Variants in LIMS2 observed in about 807,000 individuals in gnomAD.
The protein encoded by LIMS2 is LIM and senescent cell antigen-like-containing domain protein 2.
Under a neutral mutation model 45.3 loss-of-function variants are expected in LIMS2, and 30 were observed. That is an observed-to-expected ratio of 0.66 (90% CI 0.50 to 0.90). LIMS2 has a LOEUF of 0.90. LIMS2 is among the 40% of genes least tolerant of loss of function. The pLI, the probability that LIMS2 is intolerant of heterozygous loss-of-function variation, is 0.00. For missense variants in LIMS2, 485 were observed against 468.7 expected, an observed-to-expected ratio of 1.03 and a Z score of -0.32; for synonymous variants, 173 against 188.0, an observed-to-expected ratio of 0.92 and a Z score of 0.65.
chr2:127,654,719 G>T, intron 3 of LIMS2, 111 bp downstream of exon 3: 1 of 1,461,296 alleles, frequency 6.8e-7, no homozygotes, highest in South Asian at 1.2e-5. Flanking sequence ...AGGCAAGGTG[G>T]GGAGTTAGGA....
intron 2 of LIMS2, among the ~76,000 whole-genome samples, chr2:127,656,697 G>C (rs1684279228): frequency 6.6e-6 from 1 of 152,190 alleles, no homozygotes; most frequent in Admixed American, 6.5e-5. Flanking sequence ...TTACAGGCGT[G>C]AGCCGCCGCG....
rs1350555455 is a variant in LIMS2, at chr2:127,672,359, T to C, written c.11+2655A>G. On this transcript the variant is annotated intron_variant, in intron 1 of 9. Transcript: ENST00000355119. The surrounding 1 kb of genome is among the most constrained non-coding windows in gnomAD (Gnocchi z 4.9). ...TCTCTTCCCACGGCGTGCCACCCCA[T>C]GCTCTGGGCTGCCTTCACTCCCTGC... Among the ~76,000 whole-genome samples the C allele has an allele frequency of 6.6e-6, 1 of 152,140 alleles. No homozygotes were observed. The highest frequency in any genetic ancestry group is 1.5e-5 in the Non-Finnish European group (1 of 68,014).
At chr2:127,652,957 G>A (rs1683952850) in intron 4 of LIMS2, among the ~76,000 whole-genome samples, 2 of 152,248 alleles carry the variant, frequency 1.3e-5, no homozygotes, top group African/African-American at 4.8e-5. Flanking sequence ...CAGTGGCCCT[G>A]TGCAAACCTT....
chr2:127,640,350 C>T (rs892085205), intron 7 of LIMS2, 32 bp from the exon 8 acceptor site: 1 of 1,608,572 alleles, frequency 6.2e-7, no homozygotes. Flanking sequence ...AGAGTAGCTG[C>T]AGGCAGTCAC....
intron 1 of LIMS2, among the ~76,000 whole-genome samples, chr2:127,661,030 T>G (rs912591719): frequency 6.6e-6 from 1 of 152,144 alleles, no homozygotes; most frequent in Non-Finnish European, 1.5e-5. Context: ...GAGGGAACAT[T>G]CTGCTCCAAG....
At chr2:127,640,189 G>A (rs893495875) in intron 8 of LIMS2, 44 bp from the exon 9 acceptor site, 14 of 1,611,970 alleles carry the variant, frequency 8.7e-6, no homozygotes, top group African/African-American at 2.7e-5. Context: ...CTAGGCTGCC[G>A]CAGGCCCGGC....
chr2:127,640,410 CCT>C, intron 7 of LIMS2, 92 bp from the exon 8 acceptor site: 2 of 1,369,496 alleles, frequency 1.5e-6, no homozygotes, highest in Non-Finnish European at 2.0e-6. Flanking sequence ...CAACACGGCC[CCT>C]CTCAGGCATC....
chr2:127,679,509 G>A (rs1327446993), upstream of LIMS2, among the ~76,000 whole-genome samples: 1 of 152,090 alleles, frequency 6.6e-6, no homozygotes, highest in East Asian at 1.9e-4. This position sits in a 1 kb window ranked among gnomAD's most constrained non-coding sequence, Gnocchi z 5.3. Flanking sequence ...CCTAGAAGGT[G>A]AAGGAGGTGC....
At chr2:127,646,284 G>T (rs1034723338) in intron 4 of LIMS2, 3 of 152,422 alleles carry the variant, frequency 2.0e-5, no homozygotes, top group Non-Finnish European at 2.9e-5. Context: ...GGAGCCCAGG[G>T]CTAAGCAGAG....
Position 127,664,454 on chromosome 2 carries a change from T to G in LIMS2, c.12-6892A>C. 8.4e-7 allele frequency: 1 copy of G among 1,186,406 alleles called. No homozygotes were observed. The highest frequency in any genetic ancestry group is 1.0e-6 in the Non-Finnish European group (1 of 958,896). The allele number at this position is 1,186,406 out of a possible 1,614,324, so 73.5% of individuals were successfully genotyped here. On this transcript the variant is annotated intron_variant, in intron 1 of 9. Transcript: ENST00000355119. This position sits in a 1 kb window ranked among gnomAD's most constrained non-coding sequence, Gnocchi z 5.5. ...CTGGTGCAGGGGCTATGGGACCACC[T>G]CGGAGGGGAGGCGCGGCCGCCTGGG... is the stretch of plus-strand genomic sequence containing the variant.
At chr2:127,656,348 C>G (rs1684247808) in intron 2 of LIMS2, among the ~76,000 whole-genome samples, 1 of 151,966 alleles carries the variant, frequency 6.6e-6, no homozygotes. Flanking sequence ...GGCCCAGCCT[C>G]TGTTCCTGCC....
At chr2:127,645,712 G>A (rs913582612) in intron 4 of LIMS2, among the ~76,000 whole-genome samples, 7 of 152,224 alleles carry the variant, frequency 4.6e-5, no homozygotes, top group African/African-American at 1.4e-4. Context: ...TCAAAGAGTC[G>A]CCTCTCACTC....
intron 1 of LIMS2, among the ~76,000 whole-genome samples, chr2:127,663,633 C>G (rs912353424): frequency 1.3e-5 from 2 of 151,774 alleles, no homozygotes; most frequent in African/African-American, 4.8e-5. Context: ...CCTGCCCCCC[C>G]GCCCCAGCCC....
intron 4 of LIMS2, among the ~76,000 whole-genome samples, chr2:127,645,508 C>T (rs533561741): frequency 5.1e-4 from 77 of 152,210 alleles, no homozygotes; most frequent in Non-Finnish European, 1.0e-3. Flanking sequence ...TCATGGGCTT[C>T]CGTGCAGAAG....
intron 1 of LIMS2, among the ~76,000 whole-genome samples, chr2:127,662,718 A>C (rs1042608082): frequency 1.4e-4 from 22 of 151,772 alleles, no homozygotes; most frequent in Non-Finnish European, 2.1e-4. Flanking sequence ...GGGTGCAGCA[A>C]ACCAACATGG....
Position 127,661,361 on chromosome 2 carries a change from C to T in LIMS2, c.12-3799G>A, listed in dbSNP as rs150170566. On this transcript the variant is annotated intron_variant, in intron 1 of 9. Transcript: ENST00000355119. ...GAGCACCAGGCCAGGCAGGGCAAAG[C>T]GCTGGATAAGGAGAACTGTTGTTTT... Among the ~76,000 whole-genome samples the T allele has an allele frequency of 3.9e-4, 59 of 152,352 alleles. No homozygotes were observed. In the East Asian group the frequency reaches 0.011, roughly 27 times the overall value.
rs374208123 is a variant in LIMS2 at position 127,663,054 on chromosome 2, C to T, written c.12-5492G>A. Among the ~76,000 whole-genome samples the T allele has an allele frequency of 3.7e-4, 56 of 152,352 alleles. No homozygotes were observed. In the South Asian group the frequency reaches 8.7e-3, roughly 24 times the overall value. ...GAAAAACAGTGTGAATAGTCACATG[C>T]GCATGCATGCTCAGGGCTGCCCCAG... On this transcript the variant is annotated intron_variant, in intron 1 of 9. Transcript: ENST00000355119.
At chr2:127,639,660 A>G (rs1277488994) in intron 9 of LIMS2, among the ~76,000 whole-genome samples, 1 of 151,992 alleles carries the variant, frequency 6.6e-6, no homozygotes, top group African/African-American at 2.4e-5. Flanking sequence ...AGAACCCTCT[A>G]TGCCTCCCCA....
At chr2:127,676,765 C>G (rs943727230), upstream of LIMS2, among the ~76,000 whole-genome samples, 1 of 152,122 alleles carries the variant, frequency 6.6e-6, no homozygotes, top group Non-Finnish European at 1.5e-5. Context: ...CTCACCTGCT[C>G]ATACAGGGAG....
Sources: gnomAD v4.1 joint callset for allele counts (sites outside exome capture counted in the v4.1 genomes callset) on GRCh38, gnomAD v4.1.1 for gene constraint, Gnocchi (gnomAD v3.1) non-coding constraint, MANE v1.5 for transcripts, NCBI Gene and HGNC (gene_info 2026-07-23, HGNC 2026-07-21) for gene names.